Variants in DMD observed in about 807,000 individuals in gnomAD.
The protein encoded by DMD is mutant dystrophin.
A neutral mutation model predicts 330.1 loss-of-function variants in DMD; 63 were observed. The ratio of observed to expected loss-of-function variants is 0.19; its 90% CI spans 0.16 to 0.24. DMD has a LOEUF of 0.24. Among genes scored for constraint, DMD ranks in the 10% least tolerant of loss-of-function variants. DMD has a pLI of 1.00. For synonymous variants in DMD, 1,223 were observed against 959.8 expected, an observed-to-expected ratio of 1.27 and a Z score of -5.07; for missense variants, 3,344 against 2,684.1, an observed-to-expected ratio of 1.25 and a Z score of -5.43.
intron 64 of DMD, among the ~76,000 whole-genome samples, chrX:31,216,781 T>C (rs1376915865): frequency 9.0e-6 from 1 of 111,444 alleles, no homozygotes; most frequent in Non-Finnish European, 1.9e-5. Flanking sequence ...AAAGGTGAGG[T>C]GCATTTACAG....
intron 43 of DMD, among the ~76,000 whole-genome samples, chrX:32,285,288 A>T (rs1209630485): frequency 8.9e-6 from 1 of 112,397 alleles, no homozygotes; most frequent in Non-Finnish European, 1.9e-5. Flanking sequence ...GAACTTCCCA[A>T]GAGTGGAATG....
At chrX:32,657,411 A>T (rs984335200) in intron 9 of DMD, among the ~76,000 whole-genome samples, 2 of 112,415 alleles carry the variant, frequency 1.8e-5, no homozygotes, top group African/African-American at 6.4e-5. Context: ...TAGATGGCAC[A>T]TGAAAGACGT....
At position 31,958,879 on chromosome X, in the gene DMD, T is replaced by G. The variant is rs781191118; in HGVS notation, c.6614+9460A>C. On this transcript the variant is annotated intron_variant, in intron 45 of 78. Transcript: ENST00000357033. ...TGTTCCAAGAGCTCCTTAAGACTAT[T>G]ATATCCCAAGTTGAGCTCTGTATGT... 4.5e-5 allele frequency among the ~76,000 whole-genome samples: 5 copies of G among 111,412 alleles called. No individual in the cohort carries two copies. The East Asian group carries it at 1.4e-3, about 32-fold the overall frequency.
chrX:31,234,974 GAC>G (rs10601561), intron 63 of DMD, among the ~76,000 whole-genome samples: 19,855 of 110,267 alleles, frequency 0.18, 1,573 homozygotes, highest in African/African-American at 0.29. Flanking sequence ...CCTTGCTGAA[GAC>G]ACAGGCCAGG....
At chrX:32,541,959 G>T (rs1216047470) in intron 17 of DMD, among the ~76,000 whole-genome samples, 1 of 111,748 alleles carries the variant, frequency 8.9e-6, no homozygotes, top group East Asian at 2.8e-4. Flanking sequence ...TGGTTAATTG[G>T]AAGGAACAAA....
intron 55 of DMD, among the ~76,000 whole-genome samples, chrX:31,613,892 T>G (rs979266052): frequency 8.9e-6 from 1 of 112,085 alleles, no homozygotes; most frequent in Non-Finnish European, 1.9e-5. Context: ...ATTCAAAAAG[T>G]ACATTTTCCA....
intron 30 of DMD, among the ~76,000 whole-genome samples, chrX:32,391,474 C>T (rs1362672296): frequency 2.7e-5 from 3 of 111,614 alleles, no homozygotes; most frequent in Admixed American, 1.9e-4. Flanking sequence ...ACAGATGTAC[C>T]TCAATATTAT....
At chrX:31,926,389 T>A (rs1347012277) in intron 47 of DMD, among the ~76,000 whole-genome samples, 1 of 111,196 alleles carries the variant, frequency 9.0e-6, no homozygotes, top group Non-Finnish European at 1.9e-5. Flanking sequence ...GAAATATAAA[T>A]GTACAGGCCG....
intron 60 of DMD, among the ~76,000 whole-genome samples, chrX:31,422,067 G>C (rs1319108801): frequency 1.5e-5 from 1 of 66,331 alleles, no homozygotes; most frequent in Admixed American, 1.7e-4. Context: ...TTTTCTTTTT[G>C]AGACAGAGTC....
At chrX:33,020,264 A>G in intron 1 of DMD, 64 bp from the exon 2 acceptor site, 1 of 792,039 alleles carries the variant, frequency 1.3e-6, no homozygotes, top group African/African-American at 2.0e-5. Flanking sequence ...ATATTTTACA[A>G]CCAAAGTAAC....
chrX:32,878,891 C>G (rs1420895853), intron 2 of DMD, among the ~76,000 whole-genome samples: 1 of 108,312 alleles, frequency 9.2e-6, no homozygotes, highest in Non-Finnish European at 1.9e-5. Flanking sequence ...ACCTGTAATC[C>G]CAGCTACTGG....
intron 7 of DMD, among the ~76,000 whole-genome samples, chrX:32,767,941 A>C (rs2073179888): frequency 9.0e-6 from 1 of 111,545 alleles, no homozygotes; most frequent in African/African-American, 3.2e-5. Context: ...TATTTTCATA[A>C]AGGCTTAACT....
intron 55 of DMD, among the ~76,000 whole-genome samples, chrX:31,596,324 G>A (rs1014180879): frequency 9.0e-6 from 1 of 111,714 alleles, no homozygotes; most frequent in Non-Finnish European, 1.9e-5. Context: ...AACTTCTTTG[G>A]GCAAAATTCA....
chrX:32,630,655 C>T (rs780339925), intron 11 of DMD, among the ~76,000 whole-genome samples: 18 of 111,472 alleles, frequency 1.6e-4, no homozygotes, highest in African/African-American at 5.9e-4. Flanking sequence ...TCTTTCAACT[C>T]CAGAATTTTT....
At chrX:32,117,212 G>A (rs183706935) in intron 44 of DMD, among the ~76,000 whole-genome samples, 17 of 111,053 alleles carry the variant, frequency 1.5e-4, no homozygotes, top group Non-Finnish European at 3.2e-4. Context: ...ACCACAGAGA[G>A]CTGTCACATG....
chrX:32,192,161 A>C (rs2096979038), intron 44 of DMD, among the ~76,000 whole-genome samples: 1 of 111,898 alleles, frequency 8.9e-6, no homozygotes, highest in African/African-American at 3.2e-5. Flanking sequence ...GGCCTCAAGA[A>C]GAATCCCTGG....
intron 7 of DMD, among the ~76,000 whole-genome samples, chrX:32,804,917 G>A (rs2076844035): frequency 8.9e-6 from 1 of 112,044 alleles, no homozygotes. Context: ...GAAAGGAATA[G>A]CATCAACAAA....
At chrX:32,853,780 A>AC (rs1557088022) in intron 2 of DMD, among the ~76,000 whole-genome samples, 3 of 107,526 alleles carry the variant, frequency 2.8e-5, no homozygotes, top group Non-Finnish European at 5.8e-5. Context: ...AAAAAAAAAA[A>AC]AAAAAACAAA....
intron 60 of DMD, among the ~76,000 whole-genome samples, chrX:31,417,164 C>CA (rs200383925): frequency 8.9e-6 from 1 of 112,342 alleles, no homozygotes; most frequent in East Asian, 2.8e-4. Context: ...TCATTTGTTC[C>CA]AAGCAACATT....
Sources: allele counts gnomAD v4.1 joint callset (sites outside exome capture counted in the v4.1 genomes callset), GRCh38; gene constraint gnomAD v4.1.1; transcripts MANE v1.5; gene names NCBI Gene and HGNC (gene_info 2026-07-23, HGNC 2026-07-21).